Variants in KCNK12 observed in about 807,000 individuals in gnomAD.
KCNK12 encodes the protein potassium channel subfamily K member 12.
A neutral mutation model predicts 25.3 loss-of-function variants in KCNK12; 6 were observed. The observed-to-expected ratio is 0.24, with a 90% confidence interval of 0.13 to 0.47. The LOEUF (loss-of-function observed/expected upper bound fraction) is 0.47. Among genes scored for constraint, KCNK12 ranks in the 20% least tolerant of loss-of-function variants. The pLI, the probability that KCNK12 is intolerant of heterozygous loss-of-function variation, is 0.99. For missense variants in KCNK12, 444 were observed against 661.7 expected (o/e 0.67, Z 3.61); for synonymous variants, 331 against 311.1 (o/e 1.06, Z -0.67).
At chr2:47,523,551 T>G (rs144868953) in intron 1 of KCNK12, among the ~76,000 whole-genome samples, 19 of 152,350 alleles carry the variant, frequency 1.2e-4, no homozygotes, top group Middle Eastern at 3.4e-3. Flanking sequence ...ATCAATTGAT[T>G]TCTGCAGAAG....
In KCNK12 at chr2:47,570,246, C is replaced by G; in HGVS notation, c.86G>C (p.Arg29Pro). Residue 29 changes from arginine to proline, a missense_variant, in exon 1 of 2, where the codon CGT (arginine) becomes CCT (proline). Transcript: ENST00000327876. ...GCCGGTGTCCTCGTTGAGGTGCGAACGGCGGCAGCAGCAGCAGCAGCAGGA... is the reference window on the plus strand; with the variant it reads ...GCCGGTGTCCTCGTTGAGGTGCGAAGGGCGGCAGCAGCAGCAGCAGCAGGA... ...RPSCCCCCCRRSHLNEDTGRF... is the reference protein window; with the variant it reads ...RPSCCCCCCRPSHLNEDTGRF... 1 of 1,455,104 alleles carries G rather than the reference C, an allele frequency of 6.9e-7. No individual in the cohort carries two copies. Among genetic ancestry groups the G allele is most frequent in the Non-Finnish European group, 9.1e-7 (1 of 1,103,766 alleles). 90.1% of individuals were successfully genotyped at this position (1,455,104 alleles called of 1,614,324 possible).
rs1364131715 is a variant in KCNK12, at chr2:47,556,573, T to C, written c.391+13368A>G. ...AGTTGGACCAGTCAGCATCTCTGCATAGTTTGTTAGCCATATTCAGCTGCT... is the reference window on the plus strand; with the variant it reads ...AGTTGGACCAGTCAGCATCTCTGCACAGTTTGTTAGCCATATTCAGCTGCT... On this transcript the variant is annotated intron_variant, in intron 1 of 1. Coordinates refer to ENST00000327876, the MANE Select transcript of KCNK12 (RefSeq NM_022055.2). This position sits in a 1 kb window ranked among gnomAD's most constrained non-coding sequence, Gnocchi z 4.8. Among the ~76,000 whole-genome samples the C allele has an allele frequency of 3.3e-5, 5 of 152,074 alleles. No individual in the cohort carries two copies. Among genetic ancestry groups the C allele is most frequent in the African/African-American group, 1.2e-4 (5 of 41,402 alleles).
rs1265504333 is a variant in KCNK12 at position 47,529,806 on chromosome 2, G to A, written c.392-7998C>T. ...GCCCATGGCTCATTAGGGTTGCCAG[G>A]TAAAATACAGAACACCCAGTTAAAT... is the stretch of plus-strand genomic sequence containing the variant. On this transcript the variant is annotated intron_variant, in intron 1 of 1. Coordinates refer to ENST00000327876, the MANE Select transcript of KCNK12 (RefSeq NM_022055.2). This position sits in a 1 kb window ranked among gnomAD's most constrained non-coding sequence, Gnocchi z 4.3. Among the ~76,000 whole-genome samples the A allele has an allele frequency of 1.3e-5, 2 of 152,184 alleles. No individual in the cohort carries two copies. The highest frequency in any genetic ancestry group is 2.9e-5 in the Non-Finnish European group (2 of 68,030).
intron 1 of KCNK12, among the ~76,000 whole-genome samples, chr2:47,539,949 G>A (rs1572594185): frequency 6.6e-6 from 1 of 152,128 alleles, no homozygotes; most frequent in Non-Finnish European, 1.5e-5. Context: ...TGGAGTCAAG[G>A]GTTTAGGTTG....
At position 47,510,038 on chromosome 2, in the gene KCNK12, G is replaced by A. The variant is rs1002507472; in HGVS notation, c.*10869C>T. The A allele has an allele frequency of 2.0e-5, 3 of 152,214 alleles. No homozygotes were observed. The highest frequency in any genetic ancestry group is 7.2e-5 in the African/African-American group (3 of 41,430). 9.4% of individuals were successfully genotyped at this position (152,214 alleles called of 1,614,324 possible). Reference sequence around the variant, plus strand: ...CACTCTCTCCCTCCCTCCCTTATAGGTGGTGACGATCATGTGACTCTCTTC... The same window carrying A: ...CACTCTCTCCCTCCCTCCCTTATAGATGGTGACGATCATGTGACTCTCTTC... On this transcript the variant is annotated 3_prime_UTR_variant, in exon 2 of 2. Coordinates refer to ENST00000327876, the MANE Select transcript of KCNK12 (RefSeq NM_022055.2).
Position 47,520,889 on chromosome 2 carries a change from C to G in KCNK12, c.*18G>C. On this transcript the variant is annotated 3_prime_UTR_variant, in exon 2 of 2. Coordinates refer to ENST00000327876, the MANE Select transcript of KCNK12 (RefSeq NM_022055.2). This position sits in a 1 kb window ranked among gnomAD's most constrained non-coding sequence, Gnocchi z 5.0. ...CCCGCGGCCTGGAGAGGGTCCCCGG[C>G]GCGGGCGGACGGGCGGTCTACCTGG... is the stretch of plus-strand genomic sequence containing the variant. 1 of 1,240,854 alleles carries G rather than the reference C, an allele frequency of 8.1e-7. No individual in the cohort carries two copies. Among genetic ancestry groups the G allele is most frequent in the Non-Finnish European group, 1.0e-6 (1 of 992,102 alleles). 76.9% of individuals were successfully genotyped at this position (1,240,854 alleles called of 1,614,324 possible).
chr2:47,521,886 G>GGGGGGGC, intron 1 of KCNK12, 78 bp from the exon 2 acceptor site: 1 of 1,079,382 alleles, frequency 9.3e-7, no homozygotes, highest in Non-Finnish European at 1.3e-6. Context: ...GGGTGTGGGG[G>GGGGGGGC]CGGGGGCATG....
intron 1 of KCNK12, among the ~76,000 whole-genome samples, chr2:47,550,371 T>A (rs2104845157): frequency 6.8e-6 from 1 of 146,514 alleles, no homozygotes; most frequent in African/African-American, 2.6e-5. Context: ...AGAAAAATAT[T>A]CACAGACTTT....
chr2:47,554,985 G>A (rs1669522844), intron 1 of KCNK12, among the ~76,000 whole-genome samples: 2 of 152,230 alleles, frequency 1.3e-5, no homozygotes, highest in South Asian at 4.1e-4. Flanking sequence ...GACATTTATT[G>A]ATATGAAGAC....
In KCNK12 at chr2:47,524,213, A is replaced by G. The variant is rs1295394860; in HGVS notation, c.392-2405T>C. 2.0e-5 allele frequency among the ~76,000 whole-genome samples: 3 copies of G among 152,264 alleles called. No individual in the cohort carries two copies. In the East Asian group the frequency reaches 5.8e-4, roughly 29 times the overall value. On this transcript the variant is annotated intron_variant, in intron 1 of 1. Transcript: ENST00000327876. ...TTGCTACATTTTAAAGCCACACTCA[A>G]GTTCTTGAGTTTATAAAGAAATCAG...
chr2:47,532,066 A>C (rs13001992), intron 1 of KCNK12, among the ~76,000 whole-genome samples: 4 of 152,052 alleles, frequency 2.6e-5, no homozygotes, highest in Non-Finnish European at 5.9e-5. Context: ...CCCCAAAAAC[A>C]AAAAACAATA....
intron 1 of KCNK12, among the ~76,000 whole-genome samples, chr2:47,534,677 C>T (rs1295546954): frequency 6.6e-6 from 1 of 152,004 alleles, no homozygotes; most frequent in African/African-American, 2.4e-5. Flanking sequence ...GCTCTGCCCA[C>T]CTACCCCGTC....
chr2:47,550,160 T>G (rs149080586), intron 1 of KCNK12, among the ~76,000 whole-genome samples: 1 of 151,964 alleles, frequency 6.6e-6, no homozygotes, highest in Non-Finnish European at 1.5e-5. Context: ...AAAGAGAGGA[T>G]AGGGTAGCAA....
intron 1 of KCNK12, among the ~76,000 whole-genome samples, chr2:47,530,885 T>C (rs574041497): frequency 4.7e-4 from 72 of 152,228 alleles, no homozygotes; most frequent in African/African-American, 1.7e-3. Context: ...GTTCAGTAAC[T>C]TGCCCAAGAT....
rs775477550 is a variant in KCNK12, at chr2:47,525,691, A to AGG, written c.392-3885_392-3884dup. On this transcript the variant is annotated intron_variant, in intron 1 of 1. Transcript: ENST00000327876. The surrounding 1 kb of genome is among the most constrained non-coding windows in gnomAD (Gnocchi z 4.1). ...CTCAAGAGGGCTGCCTGCTGGAGCAAGGGGGCCCTAGGAAGAAGAGGCTGA... is the reference window on the plus strand; with the variant it reads ...CTCAAGAGGGCTGCCTGCTGGAGCAAGGGGGGGCCCTAGGAAGAAGAGGCTGA... Among the ~76,000 whole-genome samples the AGG allele has an allele frequency of 5.3e-5, 8 of 152,066 alleles. No individual in the cohort carries two copies. The highest frequency in any genetic ancestry group is 2.0e-4 in the Admixed American group (3 of 15,276).
Position 47,562,382 on chromosome 2 carries a change from A to T in KCNK12, c.391+7559T>A, listed in dbSNP as rs1391922247. On this transcript the variant is annotated intron_variant, in intron 1 of 1. Coordinates refer to ENST00000327876, the MANE Select transcript of KCNK12 (RefSeq NM_022055.2). The surrounding 1 kb of genome is among the most constrained non-coding windows in gnomAD (Gnocchi z 4.8). ...ATGAGATCCTCTGGGATCTGGAGGAAGCAGATGGAGGAGAAACCCCAGGGC... is the reference window on the plus strand; with the variant it reads ...ATGAGATCCTCTGGGATCTGGAGGATGCAGATGGAGGAGAAACCCCAGGGC... 2 of 345,830 alleles carry T rather than the reference A, an allele frequency of 5.8e-6. No individual in the cohort carries two copies. Among genetic ancestry groups the T allele is most frequent in the Non-Finnish European group, 1.0e-5 (2 of 192,818 alleles). The allele number at this position is 345,830 out of a possible 1,614,324, so 21.4% of individuals were successfully genotyped here. A position where few individuals can be genotyped will look rare whatever the true frequency, so the allele number is the denominator to read the frequency against.
rs1668431062 is a variant in KCNK12 at position 47,512,641 on chromosome 2, G to A, written c.*8266C>T. 1.8e-6 allele frequency: 1 copy of A among 566,242 alleles called. No homozygotes were observed. The highest frequency in any genetic ancestry group is 3.0e-5 in the East Asian group (1 of 33,058). 35.1% of individuals were successfully genotyped at this position (566,242 alleles called of 1,614,324 possible). On this transcript the variant is annotated 3_prime_UTR_variant, in exon 2 of 2. Transcript: ENST00000327876. The stretch of plus-strand genomic sequence containing the variant: ...TCACAATGGCTAAAGTGTGCTAATG[G>A]GATGATGTGCCCTTGTACACCCACT...
rs1046795147 is a variant in KCNK12, at chr2:47,570,434, GC to G, written c.-104del. Reference sequence around the variant, plus strand: ...TGAGGATGGTGGCCAGGGGTCCGGGGCCGCCGCGGAGCCCCTCGCCGCCTTC... The same window carrying G: ...TGAGGATGGTGGCCAGGGGTCCGGGGCGCCGCGGAGCCCCTCGCCGCCTTC... On this transcript the variant is annotated 5_prime_UTR_variant, in exon 1 of 2. Transcript: ENST00000327876. 1 of 1,152,600 alleles carries G rather than the reference GC, an allele frequency of 8.7e-7. No homozygotes were observed. Among genetic ancestry groups the G allele is most frequent in the African/African-American group, 1.6e-5 (1 of 61,798 alleles). 71.4% of individuals were successfully genotyped at this position (1,152,600 alleles called of 1,614,324 possible). A position where few individuals can be genotyped will look rare whatever the true frequency, so the allele number is the denominator to read the frequency against.
At position 47,520,641 on chromosome 2, in the gene KCNK12, C is replaced by T; in HGVS notation, c.*266G>A. ...GCTGCGGTATGCCCTGGGTGTGGGCCTGGGGGGCCACGTTTTCTCTCCCTG... is the reference window on the plus strand; with the variant it reads ...GCTGCGGTATGCCCTGGGTGTGGGCTTGGGGGGCCACGTTTTCTCTCCCTG... On this transcript the variant is annotated 3_prime_UTR_variant, in exon 2 of 2. Coordinates refer to ENST00000327876, the MANE Select transcript of KCNK12 (RefSeq NM_022055.2). The surrounding 1 kb of genome is among the most constrained non-coding windows in gnomAD (Gnocchi z 5.0). The T allele has an allele frequency of 2.8e-6, 1 of 351,980 alleles. No homozygotes were observed. 21.8% of individuals were successfully genotyped at this position (351,980 alleles called of 1,614,324 possible).
Sources: gnomAD v4.1 joint callset for allele counts (sites outside exome capture counted in the v4.1 genomes callset) on GRCh38, gnomAD v4.1.1 for gene constraint, Gnocchi (gnomAD v3.1) non-coding constraint, MANE v1.5 for transcripts, NCBI Gene and HGNC (gene_info 2026-07-23, HGNC 2026-07-21) for gene names.